RASGRF2: variants seen among roughly 807,000 people sequenced by gnomAD.
RASGRF2 encodes the protein ras-specific guanine nucleotide-releasing factor 2.
Under a neutral mutation model 151.0 loss-of-function variants are expected in RASGRF2, and 76 were observed. The ratio of observed to expected loss-of-function variants is 0.50; its 90% CI spans 0.42 to 0.61. The LOEUF (loss-of-function observed/expected upper bound fraction) is 0.61. Among genes scored for constraint, RASGRF2 ranks in the 20% least tolerant of loss-of-function variants. The probability of loss-of-function intolerance (pLI) is 0.00; values close to 1 mark genes in which losing one functional copy is unlikely to be tolerated. For synonymous variants in RASGRF2, 504 were observed against 566.5 expected (o/e 0.89, Z 1.57); for missense variants, 1,148 against 1,564.6 (o/e 0.73, Z 4.49).
At chr5:81,054,349 G>A in intron 2 of RASGRF2, among the ~76,000 whole-genome samples, 1 of 150,800 alleles carries the variant, frequency 6.6e-6, no homozygotes, top group Admixed American at 6.6e-5. Flanking sequence ...CATGTGGCTA[G>A]CCAGTTTTCC....
At chr5:81,208,302 C>T in intron 21 of RASGRF2, 52 bp from the exon 22 acceptor site, 1 of 1,464,192 alleles carries the variant, frequency 6.8e-7, no homozygotes, top group Non-Finnish European at 9.5e-7. Flanking sequence ...GGATCATAGC[C>T]ACCATATTTT....
intron 23 of RASGRF2, among the ~76,000 whole-genome samples, chr5:81,215,289 G>A (rs967710137): frequency 5.2e-5 from 2 of 38,422 alleles, no homozygotes; most frequent in African/African-American, 2.3e-4. Flanking sequence ...TTTTTTTTTT[G>A]AGATGGAGTC....
intron 12 of RASGRF2, among the ~76,000 whole-genome samples, chr5:81,098,822 C>T (rs1388607233): frequency 1.3e-5 from 2 of 152,114 alleles, no homozygotes; most frequent in South Asian, 2.1e-4. Flanking sequence ...GGAGAGATTT[C>T]GTATCCATTC....
At chr5:81,197,194 C>T (rs935193365) in intron 18 of RASGRF2, among the ~76,000 whole-genome samples, 3 of 151,986 alleles carry the variant, frequency 2.0e-5, no homozygotes, top group African/African-American at 4.8e-5. Context: ...CGGTGGCTCA[C>T]GCCTGTAATC....
chr5:81,114,978 T>C (rs1448712354), intron 15 of RASGRF2: 1 of 152,224 alleles, frequency 6.6e-6, no homozygotes, highest in East Asian at 1.9e-4. Context: ...TCTTGTTGCT[T>C]TTAAAGTCCA....
At chr5:81,208,194 G>A (rs548128529) in intron 21 of RASGRF2, among the ~76,000 whole-genome samples, 160 bp from the exon 22 acceptor site, 9 of 152,302 alleles carry the variant, frequency 5.9e-5, no homozygotes, top group East Asian at 1.9e-4. Context: ...TGCAACAGCC[G>A]AGGTAAAATT....
At chr5:81,044,404 C>T (rs1157063460) in intron 2 of RASGRF2, among the ~76,000 whole-genome samples, 1 of 151,936 alleles carries the variant, frequency 6.6e-6, no homozygotes, top group Non-Finnish European at 1.5e-5. Context: ...GGGGAGAGAG[C>T]AAGACTCCAT....
chr5:81,134,393 A>G (rs382926), intron 17 of RASGRF2, among the ~76,000 whole-genome samples: 102,032 of 151,750 alleles, frequency 0.67, 34,567 homozygotes, highest in East Asian at 0.81. Context: ...TCCTGTGTGC[A>G]TCACCTTGGA....
intron 26 of RASGRF2, among the ~76,000 whole-genome samples, chr5:81,220,884 A>C (rs1755843276): frequency 6.6e-6 from 1 of 152,078 alleles, no homozygotes; most frequent in Non-Finnish European, 1.5e-5. Flanking sequence ...TAATTGTCAA[A>C]ATTCTTTAGG....
At chr5:81,211,630 T>C (rs1755633036) in intron 22 of RASGRF2, among the ~76,000 whole-genome samples, 1 of 152,214 alleles carries the variant, frequency 6.6e-6, no homozygotes, top group African/African-American at 2.4e-5. Context: ...CATCAAAGAA[T>C]GGGTGAATCC....
At chr5:80,984,065 A>T (rs2112245356) in intron 1 of RASGRF2, among the ~76,000 whole-genome samples, 1 of 151,786 alleles carries the variant, frequency 6.6e-6, no homozygotes, top group Middle Eastern at 3.4e-3. Flanking sequence ...CTTCTTCTTC[A>T]TCTTTTTTGT....
chr5:81,033,055 A>G (rs982359934), intron 1 of RASGRF2, among the ~76,000 whole-genome samples: 113 of 151,774 alleles, frequency 7.4e-4, no homozygotes, highest in African/African-American at 2.6e-3. Flanking sequence ...CAATTGCTTC[A>G]AAGAGAATAA....
intron 17 of RASGRF2, among the ~76,000 whole-genome samples, chr5:81,164,795 T>C (rs1300794510): frequency 6.6e-6 from 1 of 152,178 alleles, no homozygotes; most frequent in Non-Finnish European, 1.5e-5. Context: ...GAGGGAGGAA[T>C]GATGAAATTC....
chr5:81,167,968 G>A (rs1204056646), intron 17 of RASGRF2, among the ~76,000 whole-genome samples: 1 of 152,008 alleles, frequency 6.6e-6, no homozygotes. Context: ...ACCCTTTACC[G>A]CCTTCCCCTC....
At chr5:81,193,643 G>A (rs772504842) in intron 18 of RASGRF2, among the ~76,000 whole-genome samples, 6 of 151,998 alleles carry the variant, frequency 3.9e-5, no homozygotes, top group Admixed American at 6.5e-5. Context: ...AGCCTCCTGC[G>A]TAGCTGGGAT....
chr5:80,975,114 T>C (rs115051678), intron 1 of RASGRF2, among the ~76,000 whole-genome samples: 1,993 of 152,116 alleles, frequency 0.013, 57 homozygotes, highest in African/African-American at 0.046. Context: ...AACTCAGTGC[T>C]GGTCTCCTGC....
intron 26 of RASGRF2, 148 bp from the exon 27 acceptor site, chr5:81,225,530 T>TTA: frequency 1.9e-6 from 2 of 1,049,162 alleles, no homozygotes; most frequent in Non-Finnish European, 2.6e-6. Flanking sequence ...TTTTTTTTTT[T>TTA]AACAATGGAA....
At chr5:81,150,742 T>TA (rs1754116835) in intron 17 of RASGRF2, among the ~76,000 whole-genome samples, 2 of 152,158 alleles carry the variant, frequency 1.3e-5, no homozygotes, top group Admixed American at 6.6e-5. Flanking sequence ...AGTTTAAATT[T>TA]AAAAAAACAT....
At chr5:81,045,876 C>T (rs891292755) in intron 2 of RASGRF2, among the ~76,000 whole-genome samples, 1 of 152,010 alleles carries the variant, frequency 6.6e-6, no homozygotes, top group Admixed American at 6.6e-5. Flanking sequence ...ATGAACAAAG[C>T]CAGAAAGTTA....
Sources: allele counts gnomAD v4.1 joint callset (sites outside exome capture counted in the v4.1 genomes callset), GRCh38; gene constraint gnomAD v4.1.1; transcripts MANE v1.5; gene names NCBI Gene and HGNC (gene_info 2026-07-23, HGNC 2026-07-21).